The following PTPRM variants were observed in gnomAD, a reference collection of about 807,000 sequenced individuals.
PTPRM encodes the protein protein tyrosine phosphatase receptor type M.
In PTPRM, 47 loss-of-function variants were observed where a neutral mutation model predicts 186.7. That is an observed-to-expected ratio of 0.25 (90% CI 0.20 to 0.32). The LOEUF is 0.32. PTPRM is among the 10% of genes least tolerant of loss of function. The pLI, the probability that PTPRM is intolerant of heterozygous loss-of-function variation, is 1.00. For synonymous variants in PTPRM, 668 were observed against 674.9 expected (o/e 0.99, Z 0.16); for missense variants, 1,494 against 1,865.0 (o/e 0.80, Z 3.66).
intron 1 of PTPRM, among the ~76,000 whole-genome samples, chr18:7,658,280 A>G (rs1342708579): frequency 6.7e-6 from 1 of 150,226 alleles, no homozygotes; most frequent in African/African-American, 2.5e-5. Context: ...ATCCCTAGAA[A>G]GCCTGAGAAT....
chr18:7,740,780 A>C (rs2040869834), intron 1 of PTPRM, among the ~76,000 whole-genome samples: 1 of 152,202 alleles, frequency 6.6e-6, no homozygotes, highest in Non-Finnish European at 1.5e-5. Flanking sequence ...GTTGTTTGTC[A>C]GGAATTCTCA....
Position 8,069,860 on chromosome 18 carries a change from A to G in PTPRM, c.1307A>G (p.Asp436Gly), listed in dbSNP as rs1568288530. The change falls in exon 8 of 33, where the codon GAT becomes GGT. Residue 436 changes from aspartate to glycine, a missense_variant. Physicochemically the swap from Asp to Gly is moderately conservative, Grantham distance 94. Transcript: ENST00000580170. ...QEQVREEVSW[D>G]TENSHPQHTI... ...CAAGTGCGAGAAGAAGTAAGCTGGGATACAGAAAACTCACACCCTCAACAC... is the reference window on the plus strand; with the variant it reads ...CAAGTGCGAGAAGAAGTAAGCTGGGGTACAGAAAACTCACACCCTCAACAC... 1 of 1,613,916 alleles carries G rather than the reference A, an allele frequency of 6.2e-7. No individual in the cohort carries two copies. Among genetic ancestry groups the G allele is most frequent in the East Asian group, 2.2e-5 (1 of 44,872 alleles).
intron 13 of PTPRM, among the ~76,000 whole-genome samples, chr18:8,129,092 A>G (rs539437861): frequency 6.6e-6 from 1 of 152,292 alleles, no homozygotes; most frequent in South Asian, 2.1e-4. Context: ...AAAATTAGCC[A>G]AGAGTTTGGT....
At chr18:7,932,167 C>T (rs1042617003) in intron 5 of PTPRM, among the ~76,000 whole-genome samples, 3 of 152,112 alleles carry the variant, frequency 2.0e-5, no homozygotes, top group Admixed American at 6.5e-5. Context: ...TGGGGAGGAG[C>T]GATGTCTTTT....
intron 7 of PTPRM, among the ~76,000 whole-genome samples, chr18:7,976,240 A>G (rs1044232282): frequency 2.0e-5 from 3 of 152,360 alleles, no homozygotes; most frequent in Middle Eastern, 3.4e-3. Context: ...TATATATGAC[A>G]TTCTGGAAAA....
intron 14 of PTPRM, among the ~76,000 whole-genome samples, chr18:8,175,972 C>T (rs2093474293): frequency 6.6e-6 from 1 of 152,138 alleles, no homozygotes; most frequent in African/African-American, 2.4e-5. Context: ...AGCATGTGCT[C>T]TTCTTATGAC....
intron 4 of PTPRM, among the ~76,000 whole-genome samples, chr18:7,924,046 T>C (rs546546300): frequency 6.6e-6 from 1 of 152,306 alleles, no homozygotes; most frequent in South Asian, 2.1e-4. Context: ...AGAATAATGG[T>C]TGGAGCAAAC....
At chr18:7,805,765 A>G (rs950893974) in intron 2 of PTPRM, among the ~76,000 whole-genome samples, 6 of 152,248 alleles carry the variant, frequency 3.9e-5, no homozygotes, top group Non-Finnish European at 8.8e-5. Flanking sequence ...TAAATTTACT[A>G]TGAAGATGAT....
chr18:8,209,064 G>C (rs1312791496), intron 14 of PTPRM, among the ~76,000 whole-genome samples: 2 of 152,202 alleles, frequency 1.3e-5, no homozygotes, highest in African/African-American at 2.4e-5. Context: ...TGCTGTAAAA[G>C]GCTTCAGCTT....
intron 13 of PTPRM, among the ~76,000 whole-genome samples, chr18:8,124,215 A>C (rs2092268433): frequency 6.6e-6 from 1 of 152,210 alleles, no homozygotes; most frequent in Admixed American, 6.5e-5. Context: ...TATCAGAATA[A>C]GCCTCAAAAA....
chr18:7,983,104 T>C (rs1482831516), intron 7 of PTPRM, among the ~76,000 whole-genome samples: 2 of 152,026 alleles, frequency 1.3e-5, no homozygotes, highest in Non-Finnish European at 2.9e-5. Flanking sequence ...TCATATAAAG[T>C]AGGGGTCCCC....
At chr18:8,322,581 C>T (rs2095352430) in intron 22 of PTPRM, among the ~76,000 whole-genome samples, 1 of 152,194 alleles carries the variant, frequency 6.6e-6, no homozygotes, top group Non-Finnish European at 1.5e-5. Context: ...CTGCATGTCT[C>T]TGTATGTAGA....
rs560144418 is a variant in PTPRM, at chr18:7,888,331, A to G, written c.422A>G (p.Asn141Ser). The change falls in exon 3 of 33, where the codon AAC becomes AGC. Residue 141 changes from asparagine (N) to serine (S), a missense_variant. Physicochemically the swap from Asn to Ser is conservative, Grantham distance 46. Around this residue, in one of 3 missense-constraint regions of PTPRM, gnomAD observed 296 missense variants for 345.5 expected, o/e 0.86. Transcript: ENST00000580170. ...TCTGGAGACCCAACACGTACATGGA[A>G]CAGGGCAGAACTGGCCATTAGTACT... ...NISGDPTRTWNRAELAISTFW... is the reference protein window; with the variant it reads ...NISGDPTRTWSRAELAISTFW... The G allele has an allele frequency of 3.1e-5, 50 of 1,614,094 alleles. No homozygotes were observed. The Admixed American group carries it at 5.7e-4, about 18-fold the overall frequency.
At chr18:7,748,322 C>A (rs539689266) in intron 1 of PTPRM, among the ~76,000 whole-genome samples, 1 of 152,192 alleles carries the variant, frequency 6.6e-6, no homozygotes, top group East Asian at 1.9e-4. Flanking sequence ...CTGTGTTGAA[C>A]GGTACAGCTG....
intron 1 of PTPRM, among the ~76,000 whole-genome samples, chr18:7,579,975 C>G (rs2036800143): frequency 6.6e-6 from 1 of 152,174 alleles, no homozygotes; most frequent in African/African-American, 2.4e-5. Context: ...TCCACTAGCT[C>G]ATCATTTTGG....
At chr18:8,240,644 AGAGAGAGAG>A in intron 14 of PTPRM, among the ~76,000 whole-genome samples, 3 of 33,266 alleles carry the variant, frequency 9.0e-5, no homozygotes, top group African/African-American at 1.7e-4. Context: ...AGAGAGAGAG[AGAGAGAGAG>A]AAAGAAAGAA....
chr18:8,018,901 G>A (rs763721540), intron 7 of PTPRM, among the ~76,000 whole-genome samples: 1 of 152,104 alleles, frequency 6.6e-6, no homozygotes, highest in Non-Finnish European at 1.5e-5. Flanking sequence ...GTATTAGGTG[G>A]CAAGACTTCC....
intron 7 of PTPRM, among the ~76,000 whole-genome samples, chr18:7,987,060 C>G (rs1388442304): frequency 6.6e-6 from 1 of 152,188 alleles, no homozygotes; most frequent in Non-Finnish European, 1.5e-5. Context: ...TTAAGCCACT[C>G]AGTCTAAGGT....
chr18:8,219,234 G>A (rs1261183959), intron 14 of PTPRM, among the ~76,000 whole-genome samples: 3 of 152,198 alleles, frequency 2.0e-5, no homozygotes, highest in Non-Finnish European at 2.9e-5. Context: ...TTGGGAGGCC[G>A]AGACGGGTGG....
Sources: allele counts gnomAD v4.1 joint callset (sites outside exome capture counted in the v4.1 genomes callset), GRCh38; gene constraint gnomAD v4.1.1; regional missense constraint gnomAD v4.1.1; transcripts MANE v1.5; gene names NCBI Gene and HGNC (gene_info 2026-07-23, HGNC 2026-07-21).